Variants in HPSE2 observed in about 807,000 individuals in gnomAD.
The protein encoded by HPSE2 is inactive heparanase-2.
In HPSE2, 38 loss-of-function variants were observed where a neutral mutation model predicts 60.5. The observed-to-expected ratio is 0.63, with a 90% CI of 0.48 to 0.82. The LOEUF is 0.82. Ranked by LOEUF, HPSE2 falls within the 40% of genes least tolerant of loss-of-function variation. The pLI is 0.00. For synonymous variants in HPSE2, 295 were observed against 293.2 expected (o/e 1.01, Z -0.06); for missense variants, 713 against 740.4 (o/e 0.96, Z 0.43).
intron 3 of HPSE2, among the ~76,000 whole-genome samples, chr10:98,922,582 G>A (rs1022778857): frequency 2.0e-5 from 3 of 152,162 alleles, no homozygotes; most frequent in Admixed American, 6.5e-5. Flanking sequence ...CCCTGTATAC[G>A]TGGAATTAAT....
At chr10:98,674,085 G>A (rs1406967884) in intron 6 of HPSE2, among the ~76,000 whole-genome samples, 1 of 152,114 alleles carries the variant, frequency 6.6e-6, no homozygotes, top group African/African-American at 2.4e-5. Flanking sequence ...TTAATACCAA[G>A]GTAGGAAGTT....
chr10:98,979,830 A>T (rs1262676697), intron 3 of HPSE2, among the ~76,000 whole-genome samples: 1 of 152,186 alleles, frequency 6.6e-6, no homozygotes, highest in Non-Finnish European at 1.5e-5. Context: ...ACAAAAGCAG[A>T]AGCGTTAGAG....
At chr10:98,967,738 G>T (rs556108959) in intron 3 of HPSE2, among the ~76,000 whole-genome samples, 13 of 152,260 alleles carry the variant, frequency 8.5e-5, no homozygotes, top group Admixed American at 2.6e-4. Flanking sequence ...ATATTTGAAT[G>T]ATGATTCAGT....
chr10:98,668,023 A>G (rs191556623), intron 6 of HPSE2, among the ~76,000 whole-genome samples: 2 of 152,272 alleles, frequency 1.3e-5, no homozygotes, highest in Admixed American at 6.5e-5. Context: ...TTTTATGCAT[A>G]GAAAACCCAA....
At chr10:98,472,699 A>G (rs2133611073) in intron 11 of HPSE2, among the ~76,000 whole-genome samples, 1 of 152,362 alleles carries the variant, frequency 6.6e-6, no homozygotes, top group East Asian at 1.9e-4. Flanking sequence ...AATCTGGAAG[A>G]AAATAAAGAT....
At chr10:98,968,878 A>G (rs1315743324) in intron 3 of HPSE2, among the ~76,000 whole-genome samples, 2 of 152,148 alleles carry the variant, frequency 1.3e-5, no homozygotes, top group Non-Finnish European at 1.5e-5. Flanking sequence ...ATAAAAGACT[A>G]TATTGAGTAC....
chr10:99,026,435 T>C (rs577993326), intron 3 of HPSE2, among the ~76,000 whole-genome samples: 1 of 152,136 alleles, frequency 6.6e-6, no homozygotes, highest in East Asian at 1.9e-4. Flanking sequence ...TAAATATATA[T>C]GCACCCAACA....
chr10:98,823,637 A>T lies in HPSE2; in HGVS notation c.611-79581T>A, dbSNP rs186776112. ...AAGACCCCATCTCTAAAAAATAAAT[A>T]AATAGATAGATAGAGATAGATAATG... On this transcript the variant is annotated intron_variant, in intron 3 of 11. Coordinates refer to ENST00000370552, the MANE Select transcript of HPSE2 (RefSeq NM_021828.5). Among the ~76,000 whole-genome samples, 183 of 152,282 alleles carry T rather than the reference A, an allele frequency of 1.2e-3. 1 individual carries two copies. Among genetic ancestry groups the T allele is most frequent in the Non-Finnish European group, 1.7e-3 (119 of 68,018 alleles).
chr10:98,814,512 T>C (rs1331073058), intron 3 of HPSE2, among the ~76,000 whole-genome samples: 1 of 152,130 alleles, frequency 6.6e-6, no homozygotes, highest in African/African-American at 2.4e-5. Flanking sequence ...AGGCAGACAA[T>C]CATCATCACA....
At chr10:98,588,668 G>T (rs1242963313) in intron 9 of HPSE2, among the ~76,000 whole-genome samples, 1 of 152,014 alleles carries the variant, frequency 6.6e-6, no homozygotes, top group Admixed American at 6.6e-5. Flanking sequence ...ATGCTCAACA[G>T]CAGGCACCGA....
At chr10:98,563,716 T>A (rs1325476052) in intron 9 of HPSE2, among the ~76,000 whole-genome samples, 1 of 146,738 alleles carries the variant, frequency 6.8e-6, no homozygotes, top group African/African-American at 2.4e-5. Flanking sequence ...TTTCTTCTTA[T>A]TTTTTTTTCT....
intron 3 of HPSE2, among the ~76,000 whole-genome samples, chr10:98,836,999 G>A (rs1002169680): frequency 3.7e-4 from 57 of 152,050 alleles, no homozygotes; most frequent in South Asian, 8.3e-4. Flanking sequence ...GAGCTGAGAC[G>A]GTGCCACTGC....
intron 2 of HPSE2, among the ~76,000 whole-genome samples, chr10:99,163,996 GC>G: frequency 6.6e-6 from 1 of 151,576 alleles, no homozygotes; most frequent in Admixed American, 6.6e-5. Context: ...TTACTATTTT[GC>G]CTTTGTAATT....
chr10:99,177,266 A>C (rs755044673), intron 2 of HPSE2, among the ~76,000 whole-genome samples: 4 of 152,340 alleles, frequency 2.6e-5, no homozygotes, highest in Middle Eastern at 3.4e-3. Flanking sequence ...AAATTCACAC[A>C]TAACAATATT....
chr10:98,460,290 G>A (rs1052465675), intron 11 of HPSE2, among the ~76,000 whole-genome samples: 3 of 152,148 alleles, frequency 2.0e-5, no homozygotes, highest in African/African-American at 7.2e-5. Flanking sequence ...TTATACGGAA[G>A]GGAGACAGAG....
At chr10:98,709,935 TCTAA>T (rs1298345547) in intron 5 of HPSE2, among the ~76,000 whole-genome samples, 8 of 152,202 alleles carry the variant, frequency 5.3e-5, no homozygotes, top group Admixed American at 1.3e-4. Flanking sequence ...GAACTGGATA[TCTAA>T]CTGAGTACAT....
At chr10:98,819,059 A>G (rs1309497857) in intron 3 of HPSE2, among the ~76,000 whole-genome samples, 1 of 152,242 alleles carries the variant, frequency 6.6e-6, no homozygotes, top group Non-Finnish European at 1.5e-5. Context: ...GTCTGCCACT[A>G]CTACAAAAAG....
intron 3 of HPSE2, among the ~76,000 whole-genome samples, chr10:98,989,900 C>A (rs1956481865): frequency 6.6e-6 from 1 of 152,178 alleles, no homozygotes; most frequent in Admixed American, 6.5e-5. Context: ...TGTCTCATCA[C>A]TGAATTTTTC....
At position 98,999,372 on chromosome 10, in the gene HPSE2, T is replaced by C. The variant is rs117136429; in HGVS notation, c.610+144866A>G. On this transcript the variant is annotated intron_variant, in intron 3 of 11. Coordinates refer to ENST00000370552, the MANE Select transcript of HPSE2 (RefSeq NM_021828.5). ...TCCAGGTGCCTGAAGAGCTTACGTGTGCCTATTTATTTAATCTTCCCAACA... is the reference window on the plus strand; with the variant it reads ...TCCAGGTGCCTGAAGAGCTTACGTGCGCCTATTTATTTAATCTTCCCAACA... Among the ~76,000 whole-genome samples, 83 of 152,326 alleles carry C rather than the reference T, an allele frequency of 5.4e-4. No individual in the cohort carries two copies. In the East Asian group the frequency reaches 0.013, roughly 23 times the overall value.
Sources: allele counts gnomAD v4.1 joint callset (sites outside exome capture counted in the v4.1 genomes callset), GRCh38; gene constraint gnomAD v4.1.1; transcripts MANE v1.5; gene names NCBI Gene and HGNC (gene_info 2026-07-23, HGNC 2026-07-21).